The following SCHIP1 variants were observed in gnomAD, a reference collection of about 807,000 sequenced individuals.
SCHIP1 encodes the protein schwannomin-interacting protein 1.
In SCHIP1, 8 loss-of-function variants were observed where a neutral mutation model predicts 29.7. The ratio of observed to expected loss-of-function variants is 0.27; its 90% confidence interval spans 0.16 to 0.49. The LOEUF is 0.49. Among genes scored for constraint, SCHIP1 ranks in the 20% least tolerant of loss-of-function variants. SCHIP1 has a pLI of 0.99. For synonymous variants in SCHIP1, 76 were observed against 94.9 expected (o/e 0.80, Z 1.16); for missense variants, 193 against 294.6 (o/e 0.66, Z 2.52).
chr3:159,509,836 CT>C, the SCHIP1 span, among the ~76,000 whole-genome samples: 3 of 152,124 alleles, frequency 2.0e-5, no homozygotes, highest in Non-Finnish European at 4.4e-5. Flanking sequence ...CTGAGAGATC[CT>C]CTGTTAGTCT....
chr3:159,739,105 G>T, the SCHIP1 span, among the ~76,000 whole-genome samples: 1 of 152,188 alleles, frequency 6.6e-6, no homozygotes, highest in Admixed American at 6.5e-5. Context: ...GACACCATTG[G>T]CTTCTAGTGG....
chr3:159,466,128 T>C, the SCHIP1 span, among the ~76,000 whole-genome samples: 1 of 152,098 alleles, frequency 6.6e-6, no homozygotes, highest in African/African-American at 2.4e-5. Context: ...GTAAGAAGTA[T>C]AGAAATGTAT....
the SCHIP1 span, among the ~76,000 whole-genome samples, chr3:159,544,780 T>C: frequency 6.6e-6 from 1 of 152,132 alleles, no homozygotes; most frequent in African/African-American, 2.4e-5. Context: ...GCAGATACCT[T>C]CTCCCATAAT....
chr3:159,327,943 A>T, the SCHIP1 span, among the ~76,000 whole-genome samples: 182 of 152,336 alleles, frequency 1.2e-3, no homozygotes, highest in African/African-American at 4.3e-3. Context: ...GAACAGAATT[A>T]AAACTATAGC....
chr3:159,498,011 T>C, the SCHIP1 span, among the ~76,000 whole-genome samples: 1 of 152,210 alleles, frequency 6.6e-6, no homozygotes, highest in Non-Finnish European at 1.5e-5. Context: ...TCTCTCTCCC[T>C]GATAGAAATA....
At chr3:159,418,618 C>T in the SCHIP1 span, among the ~76,000 whole-genome samples, 4 of 152,314 alleles carry the variant, frequency 2.6e-5, no homozygotes, top group African/African-American at 9.6e-5. Flanking sequence ...CTATTGTCAT[C>T]ACTATGTTTT....
the SCHIP1 span, among the ~76,000 whole-genome samples, chr3:159,562,833 C>T: frequency 1.3e-5 from 2 of 151,626 alleles, no homozygotes; most frequent in East Asian, 1.9e-4. Context: ...CTTTTTTTTT[C>T]CTAGGAGGTC....
At chr3:159,886,385 T>C in intron 3 of SCHIP1, 61 bp downstream of exon 4, 1 of 1,493,258 alleles carries the variant, frequency 6.7e-7, no homozygotes, top group Non-Finnish European at 9.3e-7. Flanking sequence ...TTTAGCTTCT[T>C]TTCTGTTGTA....
the SCHIP1 span, among the ~76,000 whole-genome samples, chr3:159,291,157 G>A: frequency 2.6e-5 from 4 of 152,160 alleles, no homozygotes; most frequent in East Asian, 7.7e-4. Flanking sequence ...ATAGAGTTAT[G>A]TGAAAGTACA....
chr3:159,682,019 C>A, the SCHIP1 span, among the ~76,000 whole-genome samples: 1 of 152,324 alleles, frequency 6.6e-6, no homozygotes, highest in East Asian at 1.9e-4. Context: ...AACCACATTC[C>A]ACAGACCTTC....
the SCHIP1 span, among the ~76,000 whole-genome samples, chr3:159,782,579 T>C: frequency 6.6e-6 from 1 of 152,208 alleles, no homozygotes; most frequent in Non-Finnish European, 1.5e-5. Context: ...GCTTTATGCC[T>C]TTCTTTCTGC....
chr3:159,279,147 A>G, the SCHIP1 span, among the ~76,000 whole-genome samples: 1 of 152,084 alleles, frequency 6.6e-6, no homozygotes, highest in South Asian at 2.1e-4. Context: ...CATAATCCCC[A>G]TGTGTCATGA....
the SCHIP1 span, among the ~76,000 whole-genome samples, chr3:159,714,277 G>A: frequency 1.2e-3 from 186 of 152,146 alleles, no homozygotes; most frequent in African/African-American, 4.4e-3. Context: ...TTCCAAGATG[G>A]CCGAATAGGA....
At chr3:159,773,210 C>G in the SCHIP1 span, among the ~76,000 whole-genome samples, 2 of 152,344 alleles carry the variant, frequency 1.3e-5, no homozygotes, top group African/African-American at 4.8e-5. Context: ...GCTCTCAGCA[C>G]AAATGCACTT....
At chr3:159,881,027 G>A (rs73168583) in intron 2 of SCHIP1, among the ~76,000 whole-genome samples, 32,823 of 152,084 alleles carry the variant, frequency 0.22, 3,637 homozygotes, top group African/African-American at 0.23. Context: ...AGAGTTTGCC[G>A]GATGGGAAAA....
chr3:159,656,578 G>A, the SCHIP1 span, among the ~76,000 whole-genome samples: 1 of 149,478 alleles, frequency 6.7e-6, no homozygotes, highest in Non-Finnish European at 1.5e-5. Flanking sequence ...TTTTTGGTGT[G>A]TGGCTTTGGG....
At chr3:159,891,039 G>C (rs1342993111) in intron 5 of SCHIP1, among the ~76,000 whole-genome samples, 1 of 152,072 alleles carries the variant, frequency 6.6e-6, no homozygotes, top group East Asian at 1.9e-4. Context: ...TCAGTGGCAG[G>C]AGCCCAATTA....
the SCHIP1 span, among the ~76,000 whole-genome samples, chr3:159,636,236 C>A: frequency 2.0e-5 from 3 of 152,050 alleles, no homozygotes; most frequent in East Asian, 5.8e-4. Context: ...TTAGTAGAGA[C>A]GGGGTTTCAC....
chr3:159,516,614 A>G, the SCHIP1 span, among the ~76,000 whole-genome samples: 1 of 152,070 alleles, frequency 6.6e-6, no homozygotes, highest in East Asian at 1.9e-4. Context: ...AGCTTTGATG[A>G]TATCTCTCAT....
Sources: gnomAD v4.1 joint callset for allele counts (sites outside exome capture counted in the v4.1 genomes callset) on GRCh38, gnomAD v4.1.1 for gene constraint, MANE v1.5 for transcripts, NCBI Gene and HGNC (gene_info 2026-07-23, HGNC 2026-07-21) for gene names.